The following FBN1 variants were observed in gnomAD, a reference collection of about 807,000 sequenced individuals.
The protein encoded by FBN1 is fibrillin 1.
A neutral mutation model predicts 365.1 loss-of-function variants in FBN1; 29 were observed. The observed-to-expected ratio is 0.08, with a 90% CI of 0.06 to 0.11. The LOEUF is 0.11. Ranked by LOEUF, FBN1 falls within the 10% of genes least tolerant of loss-of-function variation. The pLI is 1.00. For missense variants in FBN1, 2,476 were observed against 3,703.2 expected, an observed-to-expected ratio of 0.67 and a Z score of 8.60; for synonymous variants, 1,210 against 1,270.5, an observed-to-expected ratio of 0.95 and a Z score of 1.01.
intron 2 of FBN1, among the ~76,000 whole-genome samples, chr15:48,616,269 A>C (rs1311754323): frequency 6.6e-6 from 1 of 152,206 alleles, no homozygotes; most frequent in Non-Finnish European, 1.5e-5. Flanking sequence ...CAGCTGTTTC[A>C]ACCAATACCT....
In FBN1 at chr15:48,474,558, C is replaced by T. The variant is rs187177496; in HGVS notation, c.4057G>A (p.Gly1353Arg). 17 of 1,614,028 alleles carry T rather than the reference C, an allele frequency of 1.1e-5. No individual in the cohort carries two copies. Among genetic ancestry groups the T allele is most frequent in the South Asian group, 5.5e-5 (5 of 91,094 alleles). The change falls in exon 33 of 66, where the codon GGG becomes AGG. Residue 1353 changes from glycine to arginine, a missense_variant. Physicochemically the swap from Gly to Arg is moderately radical, Grantham distance 125 (BLOSUM62 -2). Transcript: ENST00000316623. ...AGSFKCSCSP[G>R]WIGDGIKCTD... is the part of the protein sequence containing the mutation. Reference sequence around the variant, plus strand: ...CACTTAATGCCATCTCCAATCCACCCGGGACTGCAGCTACATTTGAAGCTT... The same window carrying T: ...CACTTAATGCCATCTCCAATCCACCTGGGACTGCAGCTACATTTGAAGCTT...
At chr15:48,423,087 G>T (rs1456492799) in intron 60 of FBN1, among the ~76,000 whole-genome samples, 1 of 152,178 alleles carries the variant, frequency 6.6e-6, no homozygotes. Flanking sequence ...CTTCTAAGTT[G>T]CATTCTCAAC....
chr15:48,630,192 TA>T (rs151079410), intron 2 of FBN1, among the ~76,000 whole-genome samples: 2,628 of 152,356 alleles, frequency 0.017, 77 homozygotes, highest in African/African-American at 0.061. Context: ...TATCTTTCTT[TA>T]TGACAAACAT....
intron 6 of FBN1, among the ~76,000 whole-genome samples, chr15:48,578,115 A>G (rs1427618525): frequency 1.3e-5 from 2 of 152,192 alleles, no homozygotes; most frequent in Non-Finnish European, 2.9e-5. Flanking sequence ...AAGTGATGCT[A>G]CTGGTTCGTG....
intron 10 of FBN1, among the ~76,000 whole-genome samples, chr15:48,520,087 T>C (rs2043838242): frequency 6.6e-6 from 1 of 152,182 alleles, no homozygotes; most frequent in Non-Finnish European, 1.5e-5. Context: ...TTTTTTAAAC[T>C]GAACTTCACT....
At chr15:48,594,619 A>G (rs1281017187) in intron 6 of FBN1, among the ~76,000 whole-genome samples, 1 of 152,182 alleles carries the variant, frequency 6.6e-6, no homozygotes, top group Non-Finnish European at 1.5e-5. Context: ...CTTTGAAGAA[A>G]TCACTGTGGA....
intron 9 of FBN1, among the ~76,000 whole-genome samples, chr15:48,521,208 G>C (rs766484725): frequency 6.6e-6 from 1 of 152,150 alleles, no homozygotes; most frequent in Non-Finnish European, 1.5e-5. Flanking sequence ...TGCTTAATTC[G>C]AGCCATTTTA....
intron 32 of FBN1, among the ~76,000 whole-genome samples, chr15:48,476,449 C>A (rs1238759884): frequency 6.6e-6 from 1 of 152,078 alleles, no homozygotes; most frequent in Non-Finnish European, 1.5e-5. Flanking sequence ...ATTCCATTCT[C>A]CCAATCTCAG....
intron 40 of FBN1, among the ~76,000 whole-genome samples, chr15:48,465,227 AG>A (rs2043310911): frequency 6.6e-6 from 1 of 152,228 alleles, no homozygotes; most frequent in Non-Finnish European, 1.5e-5. Context: ...TCCTCCAAAT[AG>A]AGAAGGAACA....
Position 48,460,296 on chromosome 15 carries a change from C to A in FBN1, c.5246G>T (p.Gly1749Val). ...PSTDEFATLC[G>V]SQRPGFVIDI... ...GATGACAAAGCCTGGCCTTTGACTTCCACAGAGTGTAGCAAACTCATCTGC... is the reference window on the plus strand; with the variant it reads ...GATGACAAAGCCTGGCCTTTGACTTACACAGAGTGTAGCAAACTCATCTGC... Residue 1749 changes from glycine (G) to valine (V), a missense_variant, in exon 43 of 66, where the codon GGA (glycine) becomes GTA (valine). Physicochemically the swap from Gly to Val is moderately radical, Grantham distance 109. Around this residue, in one of 5 missense-constraint regions of FBN1, gnomAD observed 1,780 missense variants for 2,840.8 expected, o/e 0.63. Coordinates refer to ENST00000316623, the MANE Select transcript of FBN1 (RefSeq NM_000138.5). The A allele has an allele frequency of 1.2e-6, 2 of 1,613,280 alleles. No homozygotes were observed. Among genetic ancestry groups the A allele is most frequent in the Non-Finnish European group, 1.7e-6 (2 of 1,179,326 alleles).
intron 60 of FBN1, among the ~76,000 whole-genome samples, chr15:48,423,879 T>C (rs539147612): frequency 6.6e-6 from 1 of 152,332 alleles, no homozygotes. Context: ...AAAATTACAG[T>C]TGCTCTTTGC....
In FBN1 at chr15:48,421,543, G is replaced by A. The variant is rs1280521883; in HGVS notation, c.7699+15C>T. The A allele has an allele frequency of 6.2e-7, 1 of 1,610,894 alleles. No individual in the cohort carries two copies. Among genetic ancestry groups the A allele is most frequent in the Non-Finnish European group, 8.5e-7 (1 of 1,179,272 alleles). The stretch of plus-strand genomic sequence containing the variant: ...AGGATTCACCAGCTGGATCGCAGCT[G>A]AAGTCTCCACCCACCTTCACAGCTG... On this transcript the variant is annotated intron_variant, in intron 62 of 65. Coordinates refer to ENST00000316623, the MANE Select transcript of FBN1 (RefSeq NM_000138.5).
intron 2 of FBN1, among the ~76,000 whole-genome samples, chr15:48,616,482 G>A (rs1311197153): frequency 1.3e-5 from 2 of 152,162 alleles, no homozygotes; most frequent in Non-Finnish European, 2.9e-5. Context: ...AAAAAAAACA[G>A]CTCTAATTCT....
In FBN1 at chr15:48,432,839, T is replaced by C. The variant is rs754140072; in HGVS notation, c.6739+27A>G. ...CCCTCACAGATAAAGCTTCCTGGCT[T>C]AGATGACCTTGAACACGATGACTCA... On this transcript the variant is annotated intron_variant, in intron 55 of 65. Coordinates refer to ENST00000316623, the MANE Select transcript of FBN1 (RefSeq NM_000138.5). 1.2e-5 allele frequency: 20 copies of C among 1,612,906 alleles called. No individual in the cohort carries two copies. The African/African-American group carries it at 2.4e-4, about 19-fold the overall frequency.
chr15:48,611,511 C>T (rs774842143), intron 3 of FBN1, among the ~76,000 whole-genome samples: 3 of 152,182 alleles, frequency 2.0e-5, no homozygotes, highest in South Asian at 4.1e-4. Flanking sequence ...CCGCCTGCCT[C>T]GGCCTCTCAA....
chr15:48,576,249 G>A (rs1292065011), intron 6 of FBN1, among the ~76,000 whole-genome samples: 3 of 152,016 alleles, frequency 2.0e-5, no homozygotes, highest in Non-Finnish European at 4.4e-5. Flanking sequence ...CTTCCAGGTC[G>A]TATCCTTTCT....
intron 2 of FBN1, among the ~76,000 whole-genome samples, chr15:48,638,617 C>CTTTT (rs34665953): frequency 7.2e-6 from 1 of 138,878 alleles, no homozygotes; most frequent in African/African-American, 2.7e-5. Context: ...TACATCAGAG[C>CTTTT]TTTTTTTTTT....
At chr15:48,565,605 T>C (rs1280924967) in intron 6 of FBN1, among the ~76,000 whole-genome samples, 1 of 149,884 alleles carries the variant, frequency 6.7e-6, no homozygotes, top group Non-Finnish European at 1.5e-5. Context: ...AGTATATTAT[T>C]TAAATGATGT....
chr15:48,428,570 C>T (rs535659024), intron 56 of FBN1, 99 bp from the exon 57 acceptor site: 6 of 1,324,450 alleles, frequency 4.5e-6, no homozygotes, highest in East Asian at 4.7e-5. Context: ...CTCCCTCCCT[C>T]CTTCCCTCCC....
Sources: gnomAD v4.1 joint callset for allele counts (sites outside exome capture counted in the v4.1 genomes callset) on GRCh38, gnomAD v4.1.1 for gene constraint, gnomAD v4.1.1 regional missense constraint, MANE v1.5 for transcripts, NCBI Gene and HGNC (gene_info 2026-07-23, HGNC 2026-07-21) for gene names.